SNX20: variants seen among roughly 807,000 people sequenced by gnomAD.
SNX20 encodes sorting nexin-20.
A neutral mutation model predicts 24.5 loss-of-function variants in SNX20; 21 were observed. The ratio of observed to expected loss-of-function variants is 0.86; its 90% confidence interval spans 0.61 to 1.23. The LOEUF is 1.23. Ranked by LOEUF, SNX20 falls within the 50% of genes most tolerant of loss-of-function variation. The pLI, the probability that SNX20 is intolerant of heterozygous loss-of-function variation, is 0.00. For synonymous variants in SNX20, 206 were observed against 192.8 expected (o/e 1.07, Z -0.57); for missense variants, 433 against 430.8 (o/e 1.00, Z -0.04).
At chr16:50,678,267 T>A (rs1284713007) in intron 1 of SNX20, among the ~76,000 whole-genome samples, 2 of 152,166 alleles carry the variant, frequency 1.3e-5, no homozygotes, top group Non-Finnish European at 2.9e-5. Context: ...TATCGATCAA[T>A]CAATCAATAA....
Position 50,674,042 on chromosome 16 carries a change from G to A in SNX20, c.315C>T (p.Ser105=), listed in dbSNP as rs1195748768. Residue 105 remains serine (S), a synonymous_variant, in exon 4 of 4, where the codon AGC becomes AGT. Coordinates refer to ENST00000330943, the MANE Select transcript of SNX20 (RefSeq NM_182854.4). The stretch of plus-strand genomic sequence containing the variant: ...CCAGGACGGCCTTGTTGTTGTCAAA[G>A]CTCCCAGTCTGGATGACGATGATTT... The part of the protein sequence containing the change: ...VYQIIVIQTG[S]FDNNKAVLER... 1.2e-6 allele frequency: 2 copies of A among 1,607,662 alleles called. No individual in the cohort carries two copies. The highest frequency in any genetic ancestry group is 1.3e-5 in the African/African-American group (1 of 74,432).
At chr16:50,669,166 T>A, downstream of SNX20, 2 of 1,088,266 alleles carry the variant, frequency 1.8e-6, no homozygotes, top group East Asian at 2.6e-5. Flanking sequence ...CAGAGGTGAG[T>A]GAAATGATCT....
At chr16:50,671,127 C>CT (rs568788270), downstream of SNX20, 590 of 115,622 alleles carry the variant, frequency 5.1e-3, 1 homozygote, top group African/African-American at 0.018. Context: ...TTTGAGATGA[C>CT]TTTTTTTTTT....
downstream of SNX20, chr16:50,668,321 G>A (rs75997756): frequency 8.1e-3 from 10,559 of 1,298,742 alleles, 322 homozygotes; most frequent in East Asian, 0.12. Flanking sequence ...GTGATTGCAG[G>A]TCTCTAATGC....
Position 50,675,762 on chromosome 16 carries a change from C to A in SNX20, c.282+8G>T. 1 of 1,612,548 alleles carries A rather than the reference C, an allele frequency of 6.2e-7. No individual in the cohort carries two copies. The highest frequency in any genetic ancestry group is 8.5e-7 in the Non-Finnish European group (1 of 1,179,394). ...AAGAGGCTCCACCATTTCCCAATCT[C>A]TGCTTACCACAAACTTAGAGACTTT... On this transcript the variant is annotated splice_region_variant and intron_variant, in intron 3 of 3. Coordinates refer to ENST00000330943, the MANE Select transcript of SNX20 (RefSeq NM_182854.4).
chr16:50,676,076 T>C (rs764185227), intron 2 of SNX20, among the ~76,000 whole-genome samples, 155 bp from the exon 3 acceptor site: 8 of 151,996 alleles, frequency 5.3e-5, no homozygotes, highest in East Asian at 3.9e-4. Flanking sequence ...ATAGGCCCAA[T>C]TGGGGCATCA....
chr16:50,678,165 G>A (rs1015862953), intron 1 of SNX20, among the ~76,000 whole-genome samples: 7 of 152,136 alleles, frequency 4.6e-5, no homozygotes, highest in African/African-American at 1.7e-4. Context: ...TGATGCCACT[G>A]CACTCCAGTC....
At chr16:50,666,445 A>G (rs568631522) in exon 4 of SNX20, 9 of 152,464 alleles carry the variant, frequency 5.9e-5, no homozygotes, top group South Asian at 4.1e-4. Context: ...AAAAGGACAT[A>G]TGGGTCAAAG....
intron 1 of SNX20, among the ~76,000 whole-genome samples, chr16:50,677,897 A>C (rs1441408928): frequency 6.6e-6 from 1 of 152,184 alleles, no homozygotes; most frequent in East Asian, 1.9e-4. Context: ...GTTTTATGTT[A>C]CACATGCGAA....
chr16:50,667,374 G>A (rs889022268), downstream of SNX20: 1 of 153,720 alleles, frequency 6.5e-6, no homozygotes, highest in Admixed American at 6.5e-5. Context: ...TCCCCTCTCT[G>A]TGCTCCCAGG....
Position 50,675,788 on chromosome 16 carries a change from T to C in SNX20, c.264A>G (p.Arg88=), listed in dbSNP as rs1963166699. 5.6e-6 allele frequency: 9 copies of C among 1,613,280 alleles called. No homozygotes were observed. Among genetic ancestry groups the C allele is most frequent in the Non-Finnish European group, 6.8e-6 (8 of 1,179,682 alleles). The part of the protein sequence containing the change: ...FEIASARIEE[R]KVSKFVVYQI... ...TGCTTACCACAAACTTAGAGACTTT[T>C]CTCTCCTCGATGCGAGCTGAAGCGA... The change falls in exon 3 of 4, where the codon AGA becomes AGG. Residue 88 remains arginine, a synonymous_variant. Transcript: ENST00000330943.
chr16:50,668,549 A>T, downstream of SNX20: 6 of 1,017,972 alleles, frequency 5.9e-6, no homozygotes, highest in Non-Finnish European at 7.1e-6. Context: ...GTGCATAAGT[A>T]AAAGGAGACT....
At position 50,673,129 on chromosome 16, in the gene SNX20, T is replaced by C. The variant is rs1169350589; in HGVS notation, c.*277A>G. The C allele has an allele frequency of 9.3e-6, 3 of 321,974 alleles. No individual in the cohort carries two copies. The highest frequency in any genetic ancestry group is 1.6e-5 in the Non-Finnish European group (3 of 185,056). 19.9% of individuals were successfully genotyped at this position (321,974 alleles called of 1,614,324 possible). A position where few individuals can be genotyped will look rare whatever the true frequency, so the allele number is the denominator to read the frequency against. Reference sequence around the variant, plus strand: ...ACCAGCCTGGGCAACAGAGAGACCCTGTCTCTACTAAAAAATTAAAAATTA... The same window carrying C: ...ACCAGCCTGGGCAACAGAGAGACCCCGTCTCTACTAAAAAATTAAAAATTA... On this transcript the variant is annotated 3_prime_UTR_variant, in exon 4 of 4. Transcript: ENST00000330943. The surrounding 1 kb of genome is among the most constrained non-coding windows in gnomAD (Gnocchi z 4.1).
intron 3 of SNX20, among the ~76,000 whole-genome samples, chr16:50,674,882 A>G (rs1412926873): frequency 1.3e-5 from 2 of 152,202 alleles, no homozygotes; most frequent in African/African-American, 4.8e-5. Flanking sequence ...GGGCAATTAT[A>G]ACCCATGCAT....
intron 1 of SNX20, among the ~76,000 whole-genome samples, chr16:50,679,619 C>T (rs180734839): frequency 8.5e-5 from 13 of 152,304 alleles, no homozygotes; most frequent in Admixed American, 4.6e-4. Context: ...CAGGAGACAT[C>T]GCCTTCCATC....
In SNX20 at chr16:50,673,919, A is replaced by C; in HGVS notation, c.438T>G (p.Thr146=). 1 of 1,612,216 alleles carries C rather than the reference A, an allele frequency of 6.2e-7. No individual in the cohort carries two copies. The highest frequency in any genetic ancestry group is 1.1e-5 in the South Asian group (1 of 90,838). ...EDVEFPRKHL[T]GNFAEEMICE... is the part of the protein sequence containing the mutation. Reference sequence around the variant, plus strand: ...AGATCATCTCCTCAGCGAAGTTCCCAGTCAGGTGCTTCCTGGGAAACTCCA... The same window carrying C: ...AGATCATCTCCTCAGCGAAGTTCCCCGTCAGGTGCTTCCTGGGAAACTCCA... The change falls in exon 4 of 4, where the codon ACT becomes ACG. Residue 146 remains threonine (T), a synonymous_variant. Transcript: ENST00000330943. This position sits in a 1 kb window ranked among gnomAD's most constrained non-coding sequence, Gnocchi z 4.1.
rs148806258 is a variant in SNX20 at position 50,677,407 on chromosome 16, G to A, written c.120C>T (p.Asp40=). Residue 40 remains aspartate, a synonymous_variant, in exon 2 of 4, where the codon GAC becomes GAT. Transcript: ENST00000330943. The part of the protein sequence containing the change: ...TGPDLPHPGP[D]GHLDTHSGLS... Reference sequence around the variant, plus strand: ...AAGCCTCAAGCCCACCTAAGTGCCCGTCAGGTCCTGGGTGCGGGAGGTCGG... The same window carrying A: ...AAGCCTCAAGCCCACCTAAGTGCCCATCAGGTCCTGGGTGCGGGAGGTCGG... 136 of 1,593,578 alleles carry A rather than the reference G, an allele frequency of 8.5e-5. 1 individual carries two copies. The highest frequency in any genetic ancestry group is 3.4e-4 in the Middle Eastern group (2 of 5,958).
Position 50,673,725 on chromosome 16 carries a change from A to C in SNX20, c.632T>G (p.Val211Gly). 5 of 1,500,604 alleles carry C rather than the reference A, an allele frequency of 3.3e-6. No homozygotes were observed. Among genetic ancestry groups the C allele is most frequent in the Non-Finnish European group, 3.5e-6 (4 of 1,133,108 alleles). The allele number at this position is 1,500,604 out of a possible 1,614,324, so 93.0% of individuals were successfully genotyped here. The change falls in exon 4 of 4, where the codon GTG becomes GGG. Residue 211 changes from valine to glycine, a missense_variant. Coordinates refer to ENST00000330943, the MANE Select transcript of SNX20 (RefSeq NM_182854.4). This position sits in a 1 kb window ranked among gnomAD's most constrained non-coding sequence, Gnocchi z 4.1. ...YPRALELLLR[V>G]LPLQEKLTAH... ...GGTGAGCTTCTCCTGCAGCGGCAGC[A>C]CGCGCAGCAGCAGCTCCAGGGCGCG...
chr16:50,674,877 A>G (rs1963147651), intron 3 of SNX20, among the ~76,000 whole-genome samples: 1 of 152,218 alleles, frequency 6.6e-6, no homozygotes, highest in African/African-American at 2.4e-5. Flanking sequence ...ATTAAGGGCA[A>G]TTATAACCCA....
Sources: allele counts gnomAD v4.1 joint callset (sites outside exome capture counted in the v4.1 genomes callset), GRCh38; gene constraint gnomAD v4.1.1; non-coding constraint Gnocchi (gnomAD v3.1); transcripts MANE v1.5; gene names NCBI Gene and HGNC (gene_info 2026-07-23, HGNC 2026-07-21).